Variants in OR10J1 observed in about 807,000 individuals in gnomAD.
The protein encoded by OR10J1 is olfactory receptor 10J1.
For missense variants in OR10J1, 474 were observed against 376.6 expected (o/e 1.26, Z -2.14); for synonymous variants, 202 against 143.8 (o/e 1.40, Z -2.89).
chr1:159,400,207 A>C, the OR10J1 span, among the ~76,000 whole-genome samples: 7 of 152,064 alleles, frequency 4.6e-5, no homozygotes, highest in Non-Finnish European at 1.0e-4. Context: ...ATAATTAAAA[A>C]AAAGAGTAAG....
At chr1:159,431,782 T>C in the OR10J1 span, among the ~76,000 whole-genome samples, 4 of 152,328 alleles carry the variant, frequency 2.6e-5, no homozygotes, top group South Asian at 8.3e-4. Flanking sequence ...GACTTTGTTT[T>C]AGGTGATTTG....
At chr1:159,412,468 G>A in the OR10J1 span, among the ~76,000 whole-genome samples, 1,236 of 113,128 alleles carry the variant, frequency 0.011, no homozygotes, top group African/African-American at 0.022. Context: ...AAAACAGCAT[G>A]GTACTGGTAC....
chr1:159,417,916 G>A, the OR10J1 span, among the ~76,000 whole-genome samples: 2 of 152,270 alleles, frequency 1.3e-5, no homozygotes, highest in East Asian at 3.9e-4. Context: ...AACCTGTTGG[G>A]AACTGGAGTA....
chr1:159,397,724 C>T, the OR10J1 span, among the ~76,000 whole-genome samples: 3 of 152,254 alleles, frequency 2.0e-5, no homozygotes, highest in African/African-American at 4.8e-5. Flanking sequence ...CGTGCCAGCT[C>T]AGCTGCAATA....
At chr1:159,430,669 G>GTGTGTGTGTGCGCGCA in the OR10J1 span, among the ~76,000 whole-genome samples, 1 of 20,158 alleles carries the variant, frequency 5.0e-5, no homozygotes, top group Non-Finnish European at 2.3e-4. Context: ...GTGTGTGTGT[G>GTGTGTGTGTGCGCGCA]CGCGCGCGCA....
the OR10J1 span, among the ~76,000 whole-genome samples, chr1:159,421,322 T>C: frequency 7.2e-5 from 11 of 152,190 alleles, no homozygotes; most frequent in African/African-American, 1.7e-4. Flanking sequence ...TTTTATATTG[T>C]TTTCAGTCAT....
chr1:159,412,827 A>G, the OR10J1 span, among the ~76,000 whole-genome samples: 1 of 151,608 alleles, frequency 6.6e-6, no homozygotes, highest in Non-Finnish European at 1.5e-5. Context: ...AAAAGACAAA[A>G]TTGACAAATG....
the OR10J1 span, among the ~76,000 whole-genome samples, chr1:159,412,583 G>A: frequency 7.4e-5 from 11 of 149,270 alleles, no homozygotes; most frequent in African/African-American, 2.7e-4. Flanking sequence ...ACAAGCAATG[G>A]GGAAAGGATT....
upstream of OR10J1, chr1:159,433,115 T>G (rs750697889): frequency 4.6e-6 from 2 of 430,510 alleles, no homozygotes; most frequent in East Asian, 6.5e-5. Flanking sequence ...GCTCAGAGCT[T>G]TGGGCAGAAA....
At chr1:159,418,614 T>A in the OR10J1 span, among the ~76,000 whole-genome samples, 2 of 152,150 alleles carry the variant, frequency 1.3e-5, no homozygotes, top group Admixed American at 6.5e-5. Flanking sequence ...ACAGAGAACC[T>A]CTGCTTGGGC....
chr1:159,429,514 C>T, the OR10J1 span, among the ~76,000 whole-genome samples: 1 of 152,290 alleles, frequency 6.6e-6, no homozygotes, highest in South Asian at 2.1e-4. Context: ...AGTCCAGGAC[C>T]TTATGCTGAT....
the OR10J1 span, among the ~76,000 whole-genome samples, chr1:159,411,294 G>C: frequency 5.3e-5 from 8 of 152,104 alleles, no homozygotes; most frequent in Non-Finnish European, 1.0e-4. Flanking sequence ...TGTTGACAGT[G>C]GAGTGTTAAA....
chr1:159,429,589 G>A, the OR10J1 span, among the ~76,000 whole-genome samples: 1 of 152,174 alleles, frequency 6.6e-6, no homozygotes, highest in Non-Finnish European at 1.5e-5. Context: ...GATTGTTGAT[G>A]AGTCACTTTT....
At chr1:159,421,389 T>C in the OR10J1 span, among the ~76,000 whole-genome samples, 1 of 152,206 alleles carries the variant, frequency 6.6e-6, no homozygotes, top group African/African-American at 2.4e-5. Context: ...TTTTTGGGGA[T>C]TTGGCAAATT....
At chr1:159,414,437 T>A in the OR10J1 span, among the ~76,000 whole-genome samples, 2 of 152,142 alleles carry the variant, frequency 1.3e-5, no homozygotes, top group Non-Finnish European at 2.9e-5. Context: ...CTTTTTATGG[T>A]CAAACAGTAT....
chr1:159,400,937 G>T, the OR10J1 span, among the ~76,000 whole-genome samples: 1 of 151,800 alleles, frequency 6.6e-6, no homozygotes, highest in African/African-American at 2.4e-5. Context: ...GCCAAAAGGG[G>T]ATGAAACTAG....
the OR10J1 span, chr1:159,432,769 C>T: frequency 2.6e-6 from 1 of 382,750 alleles, no homozygotes; most frequent in Non-Finnish European, 4.5e-6. Context: ...ATGAAGCTTG[C>T]CTGTGCAGAC....
In OR10J1 at chr1:159,440,047, G is replaced by A. The variant is rs550038593; in HGVS notation, c.256G>A (p.Val86Ile). Reference sequence around the variant, plus strand: ...TCTCCCAAGAATGCTCTCCAGCCTCGTAGGTATGAGCCAGCCCATATCATT... The same window carrying A: ...TCTCCCAAGAATGCTCTCCAGCCTCATAGGTATGAGCCAGCCCATATCATT... ...VILPRMLSSL[V>I]GMSQPISLAG... is the part of the protein sequence containing the mutation. Residue 86 changes from valine (V) to isoleucine (I), a missense_variant, in exon 1 of 1, where the codon GTA (valine) becomes ATA (isoleucine). Physicochemically the swap from Val to Ile is conservative, Grantham distance 29. Coordinates refer to ENST00000423932, the MANE Select transcript of OR10J1 (RefSeq NM_012351.3). 151 of 1,613,946 alleles carry A rather than the reference G, an allele frequency of 9.4e-5. No homozygotes were observed. The highest frequency in any genetic ancestry group is 1.0e-4 in the Non-Finnish European group (122 of 1,180,002).
the OR10J1 span, chr1:159,432,828 T>C: frequency 9.8e-6 from 4 of 406,162 alleles, no homozygotes; most frequent in Admixed American, 4.3e-5. Flanking sequence ...TGTGTCCTTG[T>C]TCTGCCCATG....
Sources: gnomAD v4.1 joint callset for allele counts (sites outside exome capture counted in the v4.1 genomes callset) on GRCh38, gnomAD v4.1.1 for gene constraint, MANE v1.5 for transcripts, NCBI Gene and HGNC (gene_info 2026-07-23, HGNC 2026-07-21) for gene names.